The following PCDHGA8 variants were observed in gnomAD, a reference collection of about 807,000 sequenced individuals.
PCDHGA8 encodes the protein protocadherin gamma subfamily A, 8.
A neutral mutation model predicts 59.2 loss-of-function variants in PCDHGA8; 45 were observed. The observed-to-expected ratio is 0.76, with a 90% CI of 0.60 to 0.98. PCDHGA8 has a LOEUF of 0.98. PCDHGA8 is among the 50% of genes least tolerant of loss of function. PCDHGA8 has a pLI of 0.00. For missense variants in PCDHGA8, 1,257 were observed against 1,196.2 expected (o/e 1.05, Z -0.75); for synonymous variants, 531 against 519.0 (o/e 1.02, Z -0.32).
intron 1 of PCDHGA8, chr5:141,410,177 A>C (rs2095365763): frequency 1.2e-6 from 2 of 1,613,626 alleles, no homozygotes; most frequent in Non-Finnish European, 1.7e-6. Flanking sequence ...TGCCACCGCC[A>C]CGCTTCATCT....
chr5:141,477,778 C>A lies in PCDHGA8; in HGVS notation c.2425-17029C>A. The stretch of plus-strand genomic sequence containing the variant: ...TCCTAGCCACCAACATCAGCGTGAA[C>A]ATATTTGTCACTGATCGCAATGACA... On this transcript the variant is annotated intron_variant, in intron 1 of 3. Coordinates refer to ENST00000398604, the MANE Select transcript of PCDHGA8 (RefSeq NM_032088.2). The surrounding 1 kb of genome is among the most constrained non-coding windows in gnomAD (Gnocchi z 4.9). The A allele has an allele frequency of 6.2e-7, 1 of 1,614,052 alleles. No individual in the cohort carries two copies. The highest frequency in any genetic ancestry group is 8.5e-7 in the Non-Finnish European group (1 of 1,180,040).
intron 1 of PCDHGA8, among the ~76,000 whole-genome samples, chr5:141,450,782 C>T (rs1012152203): frequency 2.0e-5 from 3 of 151,350 alleles, no homozygotes; most frequent in East Asian, 1.9e-4. Flanking sequence ...CCACCGTGCC[C>T]GGACCTCATG....
intron 1 of PCDHGA8, chr5:141,414,637 A>G: frequency 5.6e-6 from 9 of 1,613,894 alleles, no homozygotes; most frequent in Non-Finnish European, 6.8e-6. Context: ...CAGCAAAGAG[A>G]ATGCCCAGAT....
At chr5:141,428,358 G>A in intron 1 of PCDHGA8, 2 of 565,492 alleles carry the variant, frequency 3.5e-6, no homozygotes, top group South Asian at 1.9e-5. Context: ...TGATTTTGGC[G>A]GTCGCCTTGC....
intron 2 of PCDHGA8, among the ~76,000 whole-genome samples, chr5:141,495,601 G>A (rs1315613802): frequency 3.3e-5 from 5 of 152,004 alleles, no homozygotes; most frequent in South Asian, 2.1e-4. Context: ...CTTAGCTTCC[G>A]TCTTGATTGC....
At chr5:141,461,981 G>A (rs755173695) in intron 1 of PCDHGA8, among the ~76,000 whole-genome samples, 4 of 152,078 alleles carry the variant, frequency 2.6e-5, no homozygotes, top group Non-Finnish European at 5.9e-5. Context: ...ATGCCACCAC[G>A]CCAGGCTAAT....
Position 141,511,429 on chromosome 5 carries a change from G to A in PCDHGA8, c.*256G>A, listed in dbSNP as rs1414641314. 1.3e-6 allele frequency: 1 copy of A among 769,620 alleles called. No individual in the cohort carries two copies. The highest frequency in any genetic ancestry group is 2.0e-6 in the Non-Finnish European group (1 of 505,154). The allele number at this position is 769,620 out of a possible 1,614,324, so 47.7% of individuals were successfully genotyped here. On this transcript the variant is annotated 3_prime_UTR_variant, in exon 4 of 4. Transcript: ENST00000398604. The stretch of plus-strand genomic sequence containing the variant: ...CTGCTGTACCCATGGGGGTAGTGGG[G>A]TTACTGTAGACACCAAGAACCATTT...
At chr5:141,430,589 G>A in intron 1 of PCDHGA8, 1 of 529,266 alleles carries the variant, frequency 1.9e-6, no homozygotes, top group Non-Finnish European at 3.1e-6. Context: ...TGCTCGCCTT[G>A]CACGCGCCTG....
chr5:141,490,736 A>G lies in PCDHGA8; in HGVS notation c.2425-4071A>G, dbSNP rs747567176. The G allele has an allele frequency of 5.0e-6, 8 of 1,614,084 alleles. No individual in the cohort carries two copies. Among genetic ancestry groups the G allele is most frequent in the Non-Finnish European group, 6.8e-6 (8 of 1,180,034 alleles). On this transcript the variant is annotated intron_variant, in intron 1 of 3. Transcript: ENST00000398604. This position sits in a 1 kb window ranked among gnomAD's most constrained non-coding sequence, Gnocchi z 5.4. The stretch of plus-strand genomic sequence containing the variant: ...TACTCCATTGTAGGAAATCAGGTTC[A>G]GGGAGCCCCAGCCTCCTCCTTTGTG...
At chr5:141,505,666 G>T (rs904221281) in intron 3 of PCDHGA8, among the ~76,000 whole-genome samples, 185 bp downstream of exon 3, 3 of 152,180 alleles carry the variant, frequency 2.0e-5, no homozygotes, top group Non-Finnish European at 4.4e-5. Context: ...ACAGCAGAGG[G>T]GTTGGGGGTC....
intron 1 of PCDHGA8, chr5:141,400,486 CT>C: frequency 1.2e-6 from 2 of 1,614,034 alleles, no homozygotes; most frequent in African/African-American, 1.3e-5. Context: ...CTTATTTCCA[CT>C]TTGTAATTCC....
intron 2 of PCDHGA8, among the ~76,000 whole-genome samples, chr5:141,498,451 T>C (rs1426888821): frequency 6.6e-6 from 1 of 152,126 alleles, no homozygotes; most frequent in Non-Finnish European, 1.5e-5. Context: ...AGGTTCCTTT[T>C]ATCCAGTCTA....
At chr5:141,401,391 T>C (rs923364219) in intron 1 of PCDHGA8, among the ~76,000 whole-genome samples, 1 of 152,140 alleles carries the variant, frequency 6.6e-6, no homozygotes, top group Non-Finnish European at 1.5e-5. Flanking sequence ...ATACTACATG[T>C]TATGTGTATG....
rs576937130 is a variant in PCDHGA8 at position 141,427,508 on chromosome 5, G to A, written c.2424+32271G>A. ...ATAAGCTTGTAACAGATGGGACCCT[G>A]GATTGGGAGCGGATCCCGGAGTACA... On this transcript the variant is annotated intron_variant, in intron 1 of 3. Transcript: ENST00000398604. 9.9e-4 allele frequency: 584 copies of A among 587,058 alleles called. 6 individuals carry two copies. The highest frequency in any genetic ancestry group is 3.0e-4 in the Non-Finnish European group (94 of 311,294). The allele number at this position is 587,058 out of a possible 1,614,324, so 36.4% of individuals were successfully genotyped here.
At chr5:141,410,394 T>C in intron 1 of PCDHGA8, 1 of 1,614,054 alleles carries the variant, frequency 6.2e-7, no homozygotes, top group Non-Finnish European at 8.5e-7. Context: ...CATCCTGGTC[T>C]CTGTGTCAAG....
chr5:141,460,741 A>C (rs1378900827), intron 1 of PCDHGA8, among the ~76,000 whole-genome samples: 1 of 152,128 alleles, frequency 6.6e-6, no homozygotes, highest in African/African-American at 2.4e-5. Flanking sequence ...CACATTGTAT[A>C]TATATGTGTA....
In PCDHGA8 at chr5:141,431,620, G is replaced by T; in HGVS notation, c.2424+36383G>T. 6.2e-7 allele frequency: 1 copy of T among 1,614,232 alleles called. No individual in the cohort carries two copies. The highest frequency in any genetic ancestry group is 8.5e-7 in the Non-Finnish European group (1 of 1,180,050). Reference sequence around the variant, plus strand: ...ATTCCTTCCGGTATGTGGACGACAAGGCGGCCCAAGTTTTCAAACTAGATT... The same window carrying T: ...ATTCCTTCCGGTATGTGGACGACAATGCGGCCCAAGTTTTCAAACTAGATT... On this transcript the variant is annotated intron_variant, in intron 1 of 3. Transcript: ENST00000398604. The surrounding 1 kb of genome is among the most constrained non-coding windows in gnomAD (Gnocchi z 4.8).
chr5:141,511,182 C>A lies in PCDHGA8; in HGVS notation c.*9C>A. ...AGAAGGAGAAGAAGTAACATGGAGG[C>A]CAGGCCAAGAGCCACAGGGCGGCCT... is the stretch of plus-strand genomic sequence containing the variant. On this transcript the variant is annotated 3_prime_UTR_variant, in exon 4 of 4. Transcript: ENST00000398604. 6.2e-7 allele frequency: 1 copy of A among 1,614,022 alleles called. No homozygotes were observed. Among genetic ancestry groups the A allele is most frequent in the Non-Finnish European group, 8.5e-7 (1 of 1,179,946 alleles).
At chr5:141,434,265 GA>G (rs2097683598) in intron 1 of PCDHGA8, among the ~76,000 whole-genome samples, 1 of 152,186 alleles carries the variant, frequency 6.6e-6, no homozygotes, top group South Asian at 2.1e-4. Context: ...GGGGGAGGTG[GA>G]AATTAGAGGT....
Sources: allele counts gnomAD v4.1 joint callset (sites outside exome capture counted in the v4.1 genomes callset), GRCh38; gene constraint gnomAD v4.1.1; non-coding constraint Gnocchi (gnomAD v3.1); transcripts MANE v1.5; gene names NCBI Gene and HGNC (gene_info 2026-07-23, HGNC 2026-07-21).